RAB18: variants seen among roughly 807,000 people sequenced by gnomAD.
RAB18 encodes RAB18, member RAS oncogene family, also known as ras-related protein Rab-18.
Under a neutral mutation model 28.5 loss-of-function variants are expected in RAB18, and 10 were observed. That is an observed-to-expected ratio of 0.35 (90% CI 0.22 to 0.60). The LOEUF (loss-of-function observed/expected upper bound fraction) is 0.60, where lower values mean the gene tolerates loss of function less well. RAB18 is among the 20% of genes least tolerant of loss of function. The probability of loss-of-function intolerance (pLI) is 0.78; values close to 1 mark genes in which losing one functional copy is unlikely to be tolerated. For missense variants in RAB18, 188 were observed against 244.2 expected (o/e 0.77, Z 1.53); for synonymous variants, 93 against 86.9 (o/e 1.07, Z -0.39).
rs1837740228 is a variant in RAB18, at chr10:27,504,330, C to T, written c.-40C>T. The T allele has an allele frequency of 6.4e-7, 1 of 1,555,872 alleles. No individual in the cohort carries two copies. The highest frequency in any genetic ancestry group is 8.7e-7 in the Non-Finnish European group (1 of 1,150,018). On this transcript the variant is annotated 5_prime_UTR_variant, in exon 1 of 7. Coordinates refer to ENST00000356940, the MANE Select transcript of RAB18 (RefSeq NM_021252.5). ...CTCTGCTGAAGGGCTGAGAGGCGCACCCGGGCGGCCAGCTGGGCTCGGAGC... is the reference window on the plus strand; with the variant it reads ...CTCTGCTGAAGGGCTGAGAGGCGCATCCGGGCGGCCAGCTGGGCTCGGAGC...
intron 3 of RAB18, among the ~76,000 whole-genome samples, chr10:27,530,007 C>G (rs1834754988): frequency 6.6e-6 from 1 of 151,948 alleles, no homozygotes; most frequent in Admixed American, 6.6e-5. Flanking sequence ...ACTTTTAAAA[C>G]ATCAGGATTT....
At chr10:27,533,682 G>A (rs1191886851) in intron 4 of RAB18, 53 bp from the exon 5 acceptor site, 17 of 1,569,232 alleles carry the variant, frequency 1.1e-5, no homozygotes, top group African/African-American at 4.3e-5. Context: ...TCAGAAATAC[G>A]CCATTGCTTC....
intron 2 of RAB18, among the ~76,000 whole-genome samples, chr10:27,520,745 C>T (rs938813545): frequency 6.6e-6 from 1 of 151,320 alleles, no homozygotes; most frequent in Admixed American, 6.6e-5. Context: ...GGTGAAACCC[C>T]GTCTCTACTA....
intron 1 of RAB18, among the ~76,000 whole-genome samples, chr10:27,505,950 G>A (rs1041356245): frequency 3.9e-5 from 6 of 152,174 alleles, no homozygotes; most frequent in African/African-American, 1.4e-4. Context: ...GAAATACTAT[G>A]AGTTAGCAAA....
In RAB18 at chr10:27,509,949, A is replaced by T. The variant is rs1834293495; in HGVS notation, c.124+19A>T. 7 of 1,594,094 alleles carry T rather than the reference A, an allele frequency of 4.4e-6. No individual in the cohort carries two copies. The East Asian group carries it at 1.6e-4, about 36-fold the overall frequency. On this transcript the variant is annotated intron_variant, in intron 2 of 6. Coordinates refer to ENST00000356940, the MANE Select transcript of RAB18 (RefSeq NM_021252.5). ...ACAATAGGTAAGCCTGTGTTTAAAA[A>T]TTCTATAGAAATGGCCAGTATTTTC...
intron 3 of RAB18, among the ~76,000 whole-genome samples, chr10:27,532,241 T>C (rs1834803008): frequency 6.6e-6 from 1 of 152,110 alleles, no homozygotes; most frequent in Non-Finnish European, 1.5e-5. Context: ...AACCATGGGT[T>C]TCATTTCATG....
At chr10:27,536,978 G>A (rs2132413871) in intron 6 of RAB18, among the ~76,000 whole-genome samples, 1 of 152,336 alleles carries the variant, frequency 6.6e-6, no homozygotes, top group South Asian at 2.1e-4. Context: ...GGCCTAGAGA[G>A]CAAGTTTGTT....
chr10:27,504,884 T>G (rs1392625562), intron 1 of RAB18: 2 of 495,950 alleles, frequency 4.0e-6, no homozygotes, highest in Non-Finnish European at 4.1e-6. Context: ...CTTCTCTAAA[T>G]ACATAATGTC....
At chr10:27,531,443 G>T (rs1298817746) in intron 3 of RAB18, 3 of 1,460,654 alleles carry the variant, frequency 2.1e-6, no homozygotes, top group Non-Finnish European at 2.7e-6. Flanking sequence ...GCTTCTGCTT[G>T]TCCCATAACA....
chr10:27,525,086 CTG>C (rs1834645370), intron 2 of RAB18, among the ~76,000 whole-genome samples: 2 of 152,158 alleles, frequency 1.3e-5, no homozygotes, highest in South Asian at 4.1e-4. Context: ...AGTCATTAGA[CTG>C]TTCACAACAA....
intron 4 of RAB18, 127 bp from the exon 5 acceptor site, chr10:27,533,608 C>T (rs1834831183): frequency 1.2e-5 from 13 of 1,081,784 alleles, no homozygotes; most frequent in East Asian, 5.0e-5. Context: ...CAATATTAAT[C>T]GTTGAAGACA....
At chr10:27,525,114 AAAT>A (rs1339226974) in intron 2 of RAB18, among the ~76,000 whole-genome samples, 1 of 152,238 alleles carries the variant, frequency 6.6e-6, no homozygotes, top group Non-Finnish European at 1.5e-5. Context: ...CAGAACCAGG[AAAT>A]AATAATAGAG....
intron 1 of RAB18, chr10:27,504,732 G>A: frequency 1.5e-6 from 1 of 647,092 alleles, no homozygotes. Context: ...CAGGTTTGCT[G>A]CGCGGAGCTC....
intron 2 of RAB18, among the ~76,000 whole-genome samples, chr10:27,519,333 A>G (rs1564831071): frequency 6.6e-6 from 1 of 152,106 alleles, no homozygotes; most frequent in South Asian, 2.1e-4. Context: ...CTAACATCAT[A>G]CTTAATGATA....
At chr10:27,507,911 T>G (rs971611025) in intron 1 of RAB18, among the ~76,000 whole-genome samples, 2 of 151,540 alleles carry the variant, frequency 1.3e-5, no homozygotes, top group Non-Finnish European at 2.9e-5. Context: ...GCCATGGTGA[T>G]GCACACCTGT....
chr10:27,531,191 G>A (rs111280325), intron 3 of RAB18, among the ~76,000 whole-genome samples: 1 of 152,034 alleles, frequency 6.6e-6, no homozygotes, highest in African/African-American at 2.4e-5. Context: ...AGTTTCTGTG[G>A]TGGTAAGGAT....
intron 2 of RAB18, among the ~76,000 whole-genome samples, chr10:27,525,432 T>TTG (rs771748916): frequency 2.0e-5 from 3 of 151,872 alleles, no homozygotes; most frequent in Non-Finnish European, 2.9e-5. Flanking sequence ...CTTTGCTTTT[T>TTG]TTTTTTTAAA....
intron 3 of RAB18, chr10:27,531,544 C>G (rs561671668): frequency 6.8e-7 from 1 of 1,479,442 alleles, no homozygotes; most frequent in African/African-American, 1.4e-5. Context: ...TTTGCATCAG[C>G]AGACTGCAAA....
At position 27,541,653 on chromosome 10, in the gene RAB18, T is replaced by C. The variant is rs1165910440; in HGVS notation, c.*3602T>C. 6.6e-6 allele frequency: 3 copies of C among 451,998 alleles called. No homozygotes were observed. Among genetic ancestry groups the C allele is most frequent in the Non-Finnish European group, 1.3e-5 (3 of 226,408 alleles). The allele number at this position is 451,998 out of a possible 1,614,324, so 28.0% of individuals were successfully genotyped here. A position where few individuals can be genotyped will look rare whatever the true frequency, so the allele number is the denominator to read the frequency against. ...TTTCTTGCTTTTTTTTTTTTTCCTC[T>C]TTTTTAACCGGAGAAGCAACAAATT... On this transcript the variant is annotated 3_prime_UTR_variant, in exon 7 of 7. Transcript: ENST00000356940.
Sources: allele counts gnomAD v4.1 joint callset (sites outside exome capture counted in the v4.1 genomes callset), GRCh38; gene constraint gnomAD v4.1.1; transcripts MANE v1.5; gene names NCBI Gene and HGNC (gene_info 2026-07-23, HGNC 2026-07-21).